Variants in CAMK2G observed in about 807,000 individuals in gnomAD.
The protein encoded by CAMK2G is calcium/calmodulin dependent protein kinase II gamma.
CAMK2G carries 23 observed loss-of-function variants against 88.7 expected under a neutral mutation model. The observed-to-expected ratio is 0.26, with a 90% CI of 0.19 to 0.37. The LOEUF (loss-of-function observed/expected upper bound fraction) is 0.37. Among genes scored for constraint, CAMK2G ranks in the 10% least tolerant of loss-of-function variants. The pLI is 1.00. For synonymous variants in CAMK2G, 263 were observed against 294.8 expected (o/e 0.89, Z 1.11); for missense variants, 476 against 780.8 (o/e 0.61, Z 4.65).
At chr10:73,815,378 CA>C (rs1282374247) in intron 21 of CAMK2G, 131 bp from the exon 22 acceptor site, 18 of 645,866 alleles carry the variant, frequency 2.8e-5, no homozygotes, top group African/African-American at 2.6e-4. Context: ...CGCCCCCCCC[CA>C]CCCCCGAACC....
intron 3 of CAMK2G, among the ~76,000 whole-genome samples, chr10:73,857,496 C>G (rs993538389): frequency 6.6e-6 from 1 of 152,152 alleles, no homozygotes; most frequent in Non-Finnish European, 1.5e-5. Flanking sequence ...GGCATGCGGA[C>G]CAGTAGCATG....
chr10:73,871,736 G>A (rs1274809064), intron 2 of CAMK2G, among the ~76,000 whole-genome samples: 1 of 152,070 alleles, frequency 6.6e-6, no homozygotes, highest in African/African-American at 2.4e-5. Flanking sequence ...TATAGGCAAT[G>A]TACACGAACA....
intron 1 of CAMK2G, among the ~76,000 whole-genome samples, chr10:73,874,087 G>T (rs2095979839): frequency 6.7e-6 from 1 of 149,610 alleles, no homozygotes; most frequent in Non-Finnish European, 1.5e-5. Flanking sequence ...GCGTTGGGAG[G>T]TGGTCGGGAG....
intron 10 of CAMK2G, among the ~76,000 whole-genome samples, chr10:73,844,707 C>T (rs866142607): frequency 6.6e-6 from 1 of 152,148 alleles, no homozygotes; most frequent in Non-Finnish European, 1.5e-5. Context: ...ACATTAAAAG[C>T]TCCCCTGGCC....
rs2095340477 is a variant in CAMK2G at position 73,860,825 on chromosome 10, C to T, written c.220+5G>A. ...CCACAAAATGCTCCATGCCCAGGCA[C>T]TCACCGATGTTTGGATGTTTCAGAA... is the stretch of plus-strand genomic sequence containing the variant. On this transcript the variant is annotated splice_donor_5th_base_variant and intron_variant, in intron 3 of 22. Transcript: ENST00000423381. 6.2e-7 allele frequency: 1 copy of T among 1,609,416 alleles called. No homozygotes were observed. The highest frequency in any genetic ancestry group is 8.5e-7 in the Non-Finnish European group (1 of 1,175,754).
rs746267100 is a variant in CAMK2G at position 73,842,813 on chromosome 10, A to C, written c.820-272T>G. Among the ~76,000 whole-genome samples, 3 of 152,218 alleles carry C rather than the reference A, an allele frequency of 2.0e-5. No individual in the cohort carries two copies. The highest frequency in any genetic ancestry group is 2.9e-5 in the Non-Finnish European group (2 of 68,026). Reference sequence around the variant, plus strand: ...ACCGTCCTATTCTTCCTTGGGAAACAGAGGCTACCGAACAGGAGAGTACCC... The same window carrying C: ...ACCGTCCTATTCTTCCTTGGGAAACCGAGGCTACCGAACAGGAGAGTACCC... On this transcript the variant is annotated intron_variant, in intron 10 of 22. Transcript: ENST00000423381. This position sits in a 1 kb window ranked among gnomAD's most constrained non-coding sequence, Gnocchi z 4.6.
Position 73,828,141 on chromosome 10 carries a change from A to AGGGAAAGAGAAG in CAMK2G, c.1054-32_1054-21dup, listed in dbSNP as rs1312220245. On this transcript the variant is annotated intron_variant, in intron 14 of 22. Transcript: ENST00000423381. ...CCTTTTCTGGACACACCACAGCAAG[A>AGGGAAAGAGAAG]GGGAAAGAGAAGGGGAAAGAGGAGG... The AGGGAAAGAGAAG allele has an allele frequency of 6.2e-7, 1 of 1,608,938 alleles. No individual in the cohort carries two copies. Among genetic ancestry groups the AGGGAAAGAGAAG allele is most frequent in the Non-Finnish European group, 8.5e-7 (1 of 1,175,376 alleles).
chr10:73,821,321 CTATT>C (rs909511309), intron 18 of CAMK2G, among the ~76,000 whole-genome samples: 2 of 152,104 alleles, frequency 1.3e-5, no homozygotes, highest in Admixed American at 6.5e-5. Context: ...ATTGGTCACT[CTATT>C]TATGACTCAT....
Position 73,822,179 on chromosome 10 carries a change from T to G in CAMK2G, c.1201-449A>C, listed in dbSNP as rs564304176. On this transcript the variant is annotated intron_variant, in intron 17 of 22. Transcript: ENST00000423381. ...ACTTACCTCCTCCCTAGAGTTTTTC[T>G]TTTTTGAAACAGAGTTTTGCTCTTG... 7.9e-5 allele frequency among the ~76,000 whole-genome samples: 12 copies of G among 152,234 alleles called. No homozygotes were observed. The South Asian group carries it at 2.5e-3, about 32-fold the overall frequency.
chr10:73,840,009 C>T (rs928993622), intron 12 of CAMK2G, among the ~76,000 whole-genome samples: 9 of 152,168 alleles, frequency 5.9e-5, no homozygotes, highest in Non-Finnish European at 1.2e-4. Context: ...AATGAGCCCA[C>T]GATGAGAGTG....
intron 2 of CAMK2G, among the ~76,000 whole-genome samples, chr10:73,869,466 G>C (rs187367055): frequency 1.6e-4 from 25 of 152,318 alleles, no homozygotes. Context: ...TCTGCAGCTT[G>C]GCTCCCTGGA....
chr10:73,838,950 C>T (rs1036282586), intron 13 of CAMK2G, among the ~76,000 whole-genome samples: 5 of 152,336 alleles, frequency 3.3e-5, no homozygotes, highest in African/African-American at 9.6e-5. Context: ...ACAGGGTGAT[C>T]TTAAGCACCA....
intron 2 of CAMK2G, among the ~76,000 whole-genome samples, chr10:73,862,191 C>T (rs757488963): frequency 6.6e-6 from 1 of 151,802 alleles, no homozygotes; most frequent in Admixed American, 6.6e-5. Context: ...AGCCCTCCCC[C>T]ACTGTCCTTC....
At chr10:73,823,804 T>C (rs2089989983) in intron 17 of CAMK2G, among the ~76,000 whole-genome samples, 4 of 152,198 alleles carry the variant, frequency 2.6e-5, no homozygotes, top group Admixed American at 6.5e-5. Flanking sequence ...AATTTGCAGA[T>C]AAAGGATACT....
chr10:73,853,376 G>T, intron 3 of CAMK2G, 130 bp from the exon 4 acceptor site: 1 of 786,994 alleles, frequency 1.3e-6, no homozygotes, highest in Non-Finnish European at 2.1e-6. Flanking sequence ...GCAGTGGGGG[G>T]AAGTGGCGAC....
intron 5 of CAMK2G, among the ~76,000 whole-genome samples, chr10:73,851,958 G>A (rs2094659914): frequency 6.6e-6 from 1 of 152,152 alleles, no homozygotes; most frequent in South Asian, 2.1e-4. Context: ...TGTTGGCCAG[G>A]CTGGGCTCCA....
intron 2 of CAMK2G, among the ~76,000 whole-genome samples, chr10:73,861,623 T>C (rs2095380393): frequency 6.6e-6 from 1 of 152,220 alleles, no homozygotes; most frequent in African/African-American, 2.4e-5. Flanking sequence ...CCCAAAATGC[T>C]GGGATTATAG....
chr10:73,858,947 C>T (rs983700578), intron 3 of CAMK2G, among the ~76,000 whole-genome samples: 38 of 152,248 alleles, frequency 2.5e-4, no homozygotes, highest in African/African-American at 6.8e-4. Context: ...GCCCGCATCG[C>T]GGGTGATGTG....
Position 73,837,012 on chromosome 10 carries a change from G to A in CAMK2G, c.1053+456C>T, listed in dbSNP as rs189970345. 140 of 181,420 alleles carry A rather than the reference G, an allele frequency of 7.7e-4. 1 individual carries two copies. The highest frequency in any genetic ancestry group is 2.9e-3 in the African/African-American group (124 of 42,680). 11.2% of individuals were successfully genotyped at this position (181,420 alleles called of 1,614,324 possible). On this transcript the variant is annotated intron_variant, in intron 14 of 22. Transcript: ENST00000423381. ...CAGTGGGATCTGAAAGTGTTGTAGA[G>A]AGAAGGAAAAAGACCAAAAGGAGAG...
Sources: allele counts gnomAD v4.1 joint callset (sites outside exome capture counted in the v4.1 genomes callset), GRCh38; gene constraint gnomAD v4.1.1; non-coding constraint Gnocchi (gnomAD v3.1); transcripts MANE v1.5; gene names NCBI Gene and HGNC (gene_info 2026-07-23, HGNC 2026-07-21).